Variants in CRB2 observed in about 807,000 individuals in gnomAD.
The protein encoded by CRB2 is crumbs cell polarity complex component 2.
CRB2 carries 85 observed loss-of-function variants against 110.9 expected under a neutral mutation model. The observed-to-expected ratio is 0.77, with a 90% CI of 0.64 to 0.92. The LOEUF (loss-of-function observed/expected upper bound fraction) is 0.92. Ranked by LOEUF, CRB2 falls within the 40% of genes least tolerant of loss-of-function variation. The pLI is 0.00. For missense variants in CRB2, 1,843 were observed against 1,851.3 expected (o/e 1.00, Z 0.08); for synonymous variants, 907 against 831.0 (o/e 1.09, Z -1.57).
At chr9:123,364,707 A>G (rs1011438480) in intron 2 of CRB2, among the ~76,000 whole-genome samples, 1 of 152,114 alleles carries the variant, frequency 6.6e-6, no homozygotes, top group Non-Finnish European at 1.5e-5. Flanking sequence ...GGCCTGCTGG[A>G]GTCTACAGTG....
chr9:123,369,062 T>C (rs2041978137), intron 6 of CRB2: 1 of 723,870 alleles, frequency 1.4e-6, no homozygotes, highest in Non-Finnish European at 1.8e-6. Context: ...GTGACTTCTC[T>C]GGGCCTGGGT....
chr9:123,370,735 C>G lies in CRB2; in HGVS notation c.1682C>G (p.Pro561Arg), dbSNP rs765606633. ...CTGGCTTCCACGGCTTCGGCAACTC[C>G]GCTGCCTGCCGGGATCTCCTCTGCC... ...VALASTASAT[P>R]LPAGISSAQL... The change falls in exon 7 of 13, where the codon CCG becomes CGG. Residue 561 changes from proline to arginine, a missense_variant. Pro to Arg is a moderately radical substitution (Grantham distance 103, BLOSUM62 -2). Transcript: ENST00000373631. The G allele has an allele frequency of 3.1e-6, 5 of 1,603,182 alleles. No homozygotes were observed. The South Asian group carries it at 5.5e-5, about 18-fold the overall frequency.
At chr9:123,354,822 G>A (rs1421108206), upstream of CRB2, among the ~76,000 whole-genome samples, 4 of 152,182 alleles carry the variant, frequency 2.6e-5, no homozygotes, top group African/African-American at 9.7e-5. Flanking sequence ...TTTGGTCCCT[G>A]GGGACCCAGG....
At chr9:123,361,389 C>T (rs1288194332) in intron 1 of CRB2, among the ~76,000 whole-genome samples, 1 of 152,208 alleles carries the variant, frequency 6.6e-6, no homozygotes, top group Non-Finnish European at 1.5e-5. Flanking sequence ...CCCGATGCCC[C>T]AAACCTGTGC....
rs1405443818 is a variant in CRB2 at position 123,373,146 on chromosome 9, C to A, written c.2615C>A (p.Ala872Asp). 13 of 1,507,632 alleles carry A rather than the reference C, an allele frequency of 8.6e-6. No homozygotes were observed. Among genetic ancestry groups the A allele is most frequent in the African/African-American group, 1.4e-5 (1 of 69,590 alleles). 93.4% of individuals were successfully genotyped at this position (1,507,632 alleles called of 1,614,324 possible). The part of the protein sequence containing the change: ...VPDGFVCVAE[A>D]TFREGPPAAF... ...CTTCTCTCCGCAGGTGTGGCGGAGG[C>A]CACGTTCCGCGAGGGTCCCCCCGCC... The change falls in exon 10 of 13, where the codon GCC (alanine) becomes GAC (aspartate). Residue 872 changes from alanine (A) to aspartate (D), a missense_variant. Coordinates refer to ENST00000373631, the MANE Select transcript of CRB2 (RefSeq NM_173689.7).
In CRB2 at chr9:123,372,274, A is replaced by G; in HGVS notation, c.2534A>G (p.Gln845Arg). The G allele has an allele frequency of 6.2e-7, 1 of 1,613,662 alleles. No homozygotes were observed. The highest frequency in any genetic ancestry group is 8.5e-7 in the Non-Finnish European group (1 of 1,179,798). ...TTCACGGGGCCTACGTGTGCCCAGC[A>G]GCTGTGGTGTCCCGGCCAGCCCTGT... ...ANFTGPTCAQ[Q>R]LWCPGQPCLP... Residue 845 changes from glutamine (Q) to arginine (R), a missense_variant, in exon 9 of 13, where the codon CAG becomes CGG. By Grantham distance (43) the Gln-to-Arg change is conservative (BLOSUM62 1). Transcript: ENST00000373631.
At chr9:123,372,826 C>T (rs986120479) in intron 9 of CRB2, among the ~76,000 whole-genome samples, 6 of 152,324 alleles carry the variant, frequency 3.9e-5, no homozygotes, top group South Asian at 4.1e-4. Flanking sequence ...GGCAGCTTCA[C>T]GGAGAAGGGA....
chr9:123,362,595 G>T (rs538395000), intron 1 of CRB2, among the ~76,000 whole-genome samples: 43 of 152,284 alleles, frequency 2.8e-4, no homozygotes, highest in Middle Eastern at 3.4e-3. Flanking sequence ...CGGGGCTCAG[G>T]GAACCTCTGC....
chr9:123,354,416 G>A (rs145636290), upstream of CRB2, among the ~76,000 whole-genome samples: 380 of 152,370 alleles, frequency 2.5e-3, 1 homozygote, highest in Non-Finnish European at 4.4e-3. Context: ...GGGATTGCCT[G>A]GGTCTCTGGG....
intron 12 of CRB2, among the ~76,000 whole-genome samples, chr9:123,376,553 T>C (rs1320359527): frequency 1.3e-5 from 2 of 151,926 alleles, no homozygotes; most frequent in Non-Finnish European, 2.9e-5. Context: ...GTGAAACCCA[T>C]GCACCCTGCT....
Position 123,370,157 on chromosome 9 carries a change from G to C in CRB2, c.1104G>C (p.Leu368=), listed in dbSNP as rs2041992162. 6.2e-7 allele frequency: 1 copy of C among 1,607,920 alleles called. No homozygotes were observed. Among genetic ancestry groups the C allele is most frequent in the Non-Finnish European group, 8.5e-7 (1 of 1,176,292 alleles). ...DVDECLSDPC[L]HGGTCSDTVA... ...ATGAATGCCTGTCGGATCCCTGCCT[G>C]CACGGCGGAACCTGCAGTGACACTG... Residue 368 remains leucine, a synonymous_variant, in exon 7 of 13, where the codon CTG becomes CTC. Coordinates refer to ENST00000373631, the MANE Select transcript of CRB2 (RefSeq NM_173689.7).
At position 123,371,066 on chromosome 9, in the gene CRB2, G is replaced by A. The variant is rs780293904; in HGVS notation, c.1928-4G>A. On this transcript the variant is annotated splice_polypyrimidine_tract_variant and splice_region_variant and intron_variant, in intron 7 of 12. Coordinates refer to ENST00000373631, the MANE Select transcript of CRB2 (RefSeq NM_173689.7). ...CTCACACCTGGCACCTTCTCTCCCT[G>A]CAGAGATTCCTGCTGCCACCTTTGG... is the stretch of plus-strand genomic sequence containing the variant. 36 of 1,610,600 alleles carry A rather than the reference G, an allele frequency of 2.2e-5. No individual in the cohort carries two copies. The highest frequency in any genetic ancestry group is 2.9e-5 in the Non-Finnish European group (34 of 1,178,632).
intron 9 of CRB2, 50 bp from the exon 10 acceptor site, chr9:123,373,084 T>C: frequency 7.1e-7 from 1 of 1,405,970 alleles, no homozygotes. Flanking sequence ...GAGGTGGCAT[T>C]TCTGGAGAAG....
intron 10 of CRB2, chr9:123,374,131 C>A: frequency 1.3e-6 from 1 of 783,658 alleles, no homozygotes. Flanking sequence ...AGATAAACAG[C>A]GCTGTGGTCT....
intron 1 of CRB2, among the ~76,000 whole-genome samples, chr9:123,359,770 A>T (rs958728882): frequency 6.6e-6 from 1 of 151,976 alleles, no homozygotes; most frequent in Non-Finnish European, 1.5e-5. Flanking sequence ...ACTTCTCATC[A>T]GTTGTTGGCT....
intron 1 of CRB2, among the ~76,000 whole-genome samples, chr9:123,358,194 G>T (rs2041821749): frequency 6.6e-6 from 1 of 152,230 alleles, no homozygotes; most frequent in African/African-American, 2.4e-5. Flanking sequence ...GGGGATGGGG[G>T]CTTCTGGAGG....
intron 1 of CRB2, among the ~76,000 whole-genome samples, chr9:123,360,879 T>G (rs1297748693): frequency 1.3e-5 from 2 of 152,158 alleles, no homozygotes; most frequent in African/African-American, 4.8e-5. Context: ...ACTGTGGCAC[T>G]ATTGCATGCC....
At position 123,371,341 on chromosome 9, in the gene CRB2, C is replaced by A; in HGVS notation, c.2199C>A (p.Phe733Leu). 1 of 1,605,450 alleles carries A rather than the reference C, an allele frequency of 6.2e-7. No homozygotes were observed. The highest frequency in any genetic ancestry group is 1.1e-5 in the South Asian group (1 of 89,640). Residue 733 changes from phenylalanine (F) to leucine (L), a missense_variant, in exon 8 of 13, where the codon TTC (phenylalanine) becomes TTA (leucine). Coordinates refer to ENST00000373631, the MANE Select transcript of CRB2 (RefSeq NM_173689.7). The stretch of plus-strand genomic sequence containing the variant: ...TCCGTCACCTGGTGATGCTCAGCTT[C>A]GGGCCTGACCAGCTGCAGGACCTGG... ...DGLRHLVMLSFGPDQLQDLGQ... is the reference protein window; with the variant it reads ...DGLRHLVMLSLGPDQLQDLGQ...
chr9:123,362,228 C>T (rs1293280671), intron 1 of CRB2, among the ~76,000 whole-genome samples: 1 of 152,124 alleles, frequency 6.6e-6, no homozygotes, highest in Non-Finnish European at 1.5e-5. Flanking sequence ...GTTGTCCACC[C>T]ATCCTCCAGA....
Sources: gnomAD v4.1 joint callset for allele counts (sites outside exome capture counted in the v4.1 genomes callset) on GRCh38, gnomAD v4.1.1 for gene constraint, MANE v1.5 for transcripts, NCBI Gene and HGNC (gene_info 2026-07-23, HGNC 2026-07-21) for gene names.